Variants in SLC46A1 observed in about 807,000 individuals in gnomAD.
SLC46A1 encodes solute carrier family 46 member 1.
SLC46A1 carries 17 observed loss-of-function variants against 32.1 expected under a neutral mutation model. That is an observed-to-expected ratio of 0.53 (90% CI 0.36 to 0.79). SLC46A1 has a LOEUF of 0.79. SLC46A1 is among the 30% of genes least tolerant of loss of function. SLC46A1 has a pLI of 0.00. For synonymous variants in SLC46A1, 240 were observed against 262.7 expected, an observed-to-expected ratio of 0.91 and a Z score of 0.84; for missense variants, 517 against 588.2, an observed-to-expected ratio of 0.88 and a Z score of 1.25.
In SLC46A1 at chr17:28,400,690, G is replaced by A. The variant is rs2068185473; in HGVS notation, c.1242C>T (p.Tyr414=). 1.2e-6 allele frequency: 2 copies of A among 1,612,318 alleles called. No individual in the cohort carries two copies. The highest frequency in any genetic ancestry group is 1.7e-6 in the Non-Finnish European group (2 of 1,179,376). Residue 414 remains tyrosine, a synonymous_variant, in exon 4 of 5, where the codon TAC becomes TAT. Transcript: ENST00000612814. ...CCTTCATAAAGTTCAGAGTGGCTGG[G>A]TAGAGTGAGTTGAAGATGCCGGAGG... is the stretch of plus-strand genomic sequence containing the variant. ...LTASGIFNSL[Y]PATLNFMKGF...
chr17:28,405,096 G>A lies in SLC46A1; in HGVS notation c.601C>T (p.His201Tyr). 6.2e-7 allele frequency: 1 copy of A among 1,613,876 alleles called. No homozygotes were observed. The highest frequency in any genetic ancestry group is 8.5e-7 in the Non-Finnish European group (1 of 1,179,856). Residue 201 changes from histidine to tyrosine, a missense_variant, in exon 2 of 5, where the codon CAC becomes TAC. His to Tyr is a moderately conservative substitution (Grantham distance 83). Transcript: ENST00000612814. The stretch of plus-strand genomic sequence containing the variant: ...GCATAACCCTGGGCCCGGAGCCAGT[G>A]GCCCCCGAGGAGGCTTGCCAGCATC... ...AGMLASLLGG[H>Y]WLRAQGYANP...
chr17:28,405,465 C>A lies in SLC46A1; in HGVS notation c.232G>T (p.Val78Leu). The A allele has an allele frequency of 2.5e-6, 4 of 1,597,594 alleles. No homozygotes were observed. The highest frequency in any genetic ancestry group is 2.6e-6 in the Non-Finnish European group (3 of 1,173,544). Reference sequence around the variant, plus strand: ...GTCCAGTGGGAGGTAAGGGTCTCCACTTCCTGTAGGGGCACAATGACCAGG... The same window carrying A: ...GTCCAGTGGGAGGTAAGGGTCTCCAATTCCTGTAGGGGCACAATGACCAGG... ...NRSADPTMQEVETLTSHWTLY... is the reference protein window; with the variant it reads ...NRSADPTMQELETLTSHWTLY... Residue 78 changes from valine (V) to leucine (L), a missense_variant, in exon 2 of 5, where the codon GTG becomes TTG. Physicochemically the swap from Val to Leu is conservative, Grantham distance 32 (BLOSUM62 1). Transcript: ENST00000612814.
In SLC46A1 at chr17:28,395,639, G is replaced by A; in HGVS notation, c.*4017C>T. The A allele has an allele frequency of 2.6e-6, 1 of 391,928 alleles. No individual in the cohort carries two copies. 24.3% of individuals were successfully genotyped at this position (391,928 alleles called of 1,614,324 possible). On this transcript the variant is annotated 3_prime_UTR_variant, in exon 5 of 5. Coordinates refer to ENST00000612814, the MANE Select transcript of SLC46A1 (RefSeq NM_080669.6). ...ATAGCACCCCCCGGGCCCCCAGTGG[G>A]GAATCATCTCTTTAGCATACAAAGA...
chr17:28,401,205 G>T (rs547413747), intron 3 of SLC46A1: 1 of 202,228 alleles, frequency 4.9e-6, no homozygotes, highest in Admixed American at 5.2e-5. Flanking sequence ...TTGGGTTCCT[G>T]TTCCTCCTTC....
rs1034530813 is a variant in SLC46A1, at chr17:28,405,132, C to G, written c.565G>C (p.Gly189Arg). 7 of 1,612,572 alleles carry G rather than the reference C, an allele frequency of 4.3e-6. No homozygotes were observed. The highest frequency in any genetic ancestry group is 5.9e-6 in the Non-Finnish European group (7 of 1,179,152). Residue 189 changes from glycine to arginine, a missense_variant, in exon 2 of 5, where the codon GGG (glycine) becomes CGG (arginine). Transcript: ENST00000612814. Reference protein sequence around the residue: ...FRMALLEASIGVAGMLASLLG... With the variant: ...FRMALLEASIRVAGMLASLLG... ...AGGCTTGCCAGCATCCCAGCCACCC[C>G]GATGCTGGCTTCCAGCAGGGCCATC...
At position 28,400,659 on chromosome 17, in the gene SLC46A1, G is replaced by C. The variant is rs2068184735; in HGVS notation, c.1273C>G (p.Pro425Ala). ...PATLNFMKGFPFLLGAGLLLI... is the reference protein window; with the variant it reads ...PATLNFMKGFAFLLGAGLLLI... The stretch of plus-strand genomic sequence containing the variant: ...AGGAGGCCAGCTCCCAGGAGGAAGG[G>C]GAACCCCTTCATAAAGTTCAGAGTG... The change falls in exon 4 of 5, where the codon CCC becomes GCC. Residue 425 changes from proline to alanine, a missense_variant. By Grantham distance (27) the Pro-to-Ala change is conservative. Coordinates refer to ENST00000612814, the MANE Select transcript of SLC46A1 (RefSeq NM_080669.6). 3 of 1,613,572 alleles carry C rather than the reference G, an allele frequency of 1.9e-6. No individual in the cohort carries two copies. The highest frequency in any genetic ancestry group is 2.5e-6 in the Non-Finnish European group (3 of 1,179,860).
chr17:28,405,665 C>A (rs1597836144), intron 1 of SLC46A1, 197 bp from the exon 2 acceptor site: 1 of 980,320 alleles, frequency 1.0e-6, no homozygotes, highest in Non-Finnish European at 1.5e-6. Context: ...TTTCCTTTCC[C>A]CCCCCTTTTG....
In SLC46A1 at chr17:28,405,261, G is replaced by T; in HGVS notation, c.436C>A (p.Leu146Met). The change falls in exon 2 of 5, where the codon CTG (leucine) becomes ATG (methionine). Residue 146 changes from leucine to methionine, a missense_variant. By Grantham distance (15) the Leu-to-Met change is conservative. Transcript: ENST00000612814. ...QLQLHVGYFV[L>M]GRILCALLGD... ...AGGAGGGCACAAAGGATGCGACCCA[G>T]CACGAAGTAGCCGACGTGGAGCTGC... 1 of 1,585,502 alleles carries T rather than the reference G, an allele frequency of 6.3e-7. No individual in the cohort carries two copies. The highest frequency in any genetic ancestry group is 1.8e-5 in the Admixed American group (1 of 54,704).
rs41297093 is a variant in SLC46A1 at position 28,402,406 on chromosome 17, C to A, written c.1082-85G>T. The A allele has an allele frequency of 4.5e-4, 526 of 1,180,508 alleles. 4 individuals are homozygous for A. The East Asian group carries it at 0.013, about 29-fold the overall frequency. The allele number at this position is 1,180,508 out of a possible 1,614,324, so 73.1% of individuals were successfully genotyped here. The stretch of plus-strand genomic sequence containing the variant: ...AAGGCAGCAGAGCTCCTATCCATAC[C>A]CCACGTGGGGCTTAGGTTAGACCCA... On this transcript the variant is annotated intron_variant, in intron 2 of 4. Coordinates refer to ENST00000612814, the MANE Select transcript of SLC46A1 (RefSeq NM_080669.6).
chr17:28,405,352 C>A lies in SLC46A1; in HGVS notation c.345G>T (p.Pro115=), dbSNP rs1555590953. 6.3e-7 allele frequency: 1 copy of A among 1,586,486 alleles called. No homozygotes were observed. The highest frequency in any genetic ancestry group is 8.6e-7 in the Non-Finnish European group (1 of 1,167,216). The change falls in exon 2 of 5, where the codon CCG becomes CCT. Residue 115 remains proline (P), a synonymous_variant. Transcript: ENST00000612814. ...GGCCCAGCGAGGCCAGCACTAGCAG[C>A]GGGCGGCGGCCCACACTGTCGCTCC... The part of the protein sequence containing the change: ...GAWSDSVGRR[P]LLVLASLGLL...
chr17:28,398,406 G>GC lies in SLC46A1; in HGVS notation c.*1249dup, dbSNP rs2068156668. On this transcript the variant is annotated 3_prime_UTR_variant, in exon 5 of 5. Coordinates refer to ENST00000612814, the MANE Select transcript of SLC46A1 (RefSeq NM_080669.6). ...AGTCACAAGCCTCCTCTAAGCCAAG[G>GC]CCAGTGTGTTCAGAGGTGACTGCCA... 6.6e-6 allele frequency: 1 copy of GC among 152,334 alleles called. No individual in the cohort carries two copies. The highest frequency in any genetic ancestry group is 2.4e-5 in the African/African-American group (1 of 41,448). 9.4% of individuals were successfully genotyped at this position (152,334 alleles called of 1,614,324 possible).
chr17:28,405,881 C>A lies in SLC46A1; in HGVS notation c.228+6G>T. ...CCACCTGCCAGGCTCCTCGCCGCCCCGCTACCTGCATGGTGGGGTCCGCGC... is the reference window on the plus strand; with the variant it reads ...CCACCTGCCAGGCTCCTCGCCGCCCAGCTACCTGCATGGTGGGGTCCGCGC... On this transcript the variant is annotated splice_donor_region_variant and intron_variant, in intron 1 of 4. Coordinates refer to ENST00000612814, the MANE Select transcript of SLC46A1 (RefSeq NM_080669.6). 1 of 1,569,502 alleles carries A rather than the reference C, an allele frequency of 6.4e-7. No homozygotes were observed. The highest frequency in any genetic ancestry group is 8.6e-7 in the Non-Finnish European group (1 of 1,158,216).
In SLC46A1 at chr17:28,406,079, G is replaced by A; in HGVS notation, c.36C>T (p.Arg12=). The A allele has an allele frequency of 6.3e-7, 1 of 1,583,526 alleles. No homozygotes were observed. The highest frequency in any genetic ancestry group is 8.6e-7 in the Non-Finnish European group (1 of 1,167,260). ...ACAGCACGGCAGCCGCAGGGCGGGC[G>A]CGGGGCTTTTCCGGGGGGCTCGCGC... ...EGSASPPEKP[R]ARPAAAVLCR... is the part of the protein sequence containing the mutation. The change falls in exon 1 of 5, where the codon CGC becomes CGT. Residue 12 remains arginine (R), a synonymous_variant. Coordinates refer to ENST00000612814, the MANE Select transcript of SLC46A1 (RefSeq NM_080669.6). The surrounding 1 kb of genome is among the most constrained non-coding windows in gnomAD (Gnocchi z 4.5).
At position 28,402,337 on chromosome 17, in the gene SLC46A1, C is replaced by G; in HGVS notation, c.1082-16G>C. 2 of 1,609,334 alleles carry G rather than the reference C, an allele frequency of 1.2e-6. No homozygotes were observed. The highest frequency in any genetic ancestry group is 1.7e-6 in the Non-Finnish European group (2 of 1,177,120). The stretch of plus-strand genomic sequence containing the variant: ...AACCCATATCCTGTGGAGAAACAAA[C>G]ACTCATCAGGAAAATGGGGCTGGGG... On this transcript the variant is annotated splice_polypyrimidine_tract_variant and intron_variant, in intron 2 of 4. Transcript: ENST00000612814.
At position 28,405,280 on chromosome 17, in the gene SLC46A1, G is replaced by A. The variant is rs1555590879; in HGVS notation, c.417C>T (p.Leu139=). Residue 139 remains leucine (L), a synonymous_variant, in exon 2 of 5, where the codon CTC becomes CTT. Transcript: ENST00000612814. ...LVSVFVVQLQ[L]HVGYFVLGRI... ...GACCCAGCACGAAGTAGCCGACGTG[G>A]AGCTGCAGCTGCACCACAAAAACGG... 2 of 1,587,050 alleles carry A rather than the reference G, an allele frequency of 1.3e-6. No individual in the cohort carries two copies. The highest frequency in any genetic ancestry group is 8.6e-7 in the Non-Finnish European group (1 of 1,167,396).
Position 28,406,073 on chromosome 17 carries a change from G to C in SLC46A1, c.42C>G (p.Arg14=). 6.3e-7 allele frequency: 1 copy of C among 1,589,234 alleles called. No individual in the cohort carries two copies. The highest frequency in any genetic ancestry group is 8.5e-7 in the Non-Finnish European group (1 of 1,169,988). The part of the protein sequence containing the change: ...SASPPEKPRA[R]PAAAVLCRGP... ...CCCGGCACAGCACGGCAGCCGCAGG[G>C]CGGGCGCGGGGCTTTTCCGGGGGGC... Residue 14 remains arginine, a synonymous_variant, in exon 1 of 5, where the codon CGC becomes CGG. Coordinates refer to ENST00000612814, the MANE Select transcript of SLC46A1 (RefSeq NM_080669.6). This position sits in a 1 kb window ranked among gnomAD's most constrained non-coding sequence, Gnocchi z 4.5.
rs561344388 is a variant in SLC46A1, at chr17:28,405,179, G to A, written c.518C>T (p.Ser173Phe). Residue 173 changes from serine to phenylalanine, a missense_variant, in exon 2 of 5, where the codon TCC becomes TTC. Ser to Phe is a radical substitution (Grantham distance 155, BLOSUM62 -2). Coordinates refer to ENST00000612814, the MANE Select transcript of SLC46A1 (RefSeq NM_080669.6). The part of the protein sequence containing the change: ...ASFASVADVS[S>F]SRSRTFRMAL... Reference sequence around the variant, plus strand: ...CATCCGGAAGGTGCGGCTGCGACTGGAGCTGACATCTGCCACGGACGCAAA... The same window carrying A: ...CATCCGGAAGGTGCGGCTGCGACTGAAGCTGACATCTGCCACGGACGCAAA... The A allele has an allele frequency of 3.7e-6, 6 of 1,608,242 alleles. No homozygotes were observed. The South Asian group carries it at 6.6e-5, about 18-fold the overall frequency.
chr17:28,404,461 G>T, intron 2 of SLC46A1, 155 bp downstream of exon 2: 1 of 946,672 alleles, frequency 1.1e-6, no homozygotes, highest in Non-Finnish European at 1.6e-6. Context: ...ATTTTTGAGG[G>T]ATTTCTTAGT....
At position 28,396,057 on chromosome 17, in the gene SLC46A1, T is replaced by A. The variant is rs781790508; in HGVS notation, c.*3599A>T. ...CCCCAGGGCCCTGGGACCAGGGGGG[T>A]AGGGTACAAATCACCATGACAGGCA... On this transcript the variant is annotated 3_prime_UTR_variant, in exon 5 of 5. Coordinates refer to ENST00000612814, the MANE Select transcript of SLC46A1 (RefSeq NM_080669.6). 1 of 1,612,934 alleles carries A rather than the reference T, an allele frequency of 6.2e-7. No individual in the cohort carries two copies. The highest frequency in any genetic ancestry group is 8.5e-7 in the Non-Finnish European group (1 of 1,179,594).
Sources: allele counts gnomAD v4.1 joint callset, GRCh38; gene constraint gnomAD v4.1.1; non-coding constraint Gnocchi (gnomAD v3.1); transcripts MANE v1.5; gene names NCBI Gene and HGNC (gene_info 2026-07-23, HGNC 2026-07-21).